Variants in ATP10B observed in about 807,000 individuals in gnomAD.
The protein encoded by ATP10B is phospholipid-transporting ATPase VB.
ATP10B carries 122 observed loss-of-function variants against 141.2 expected under a neutral mutation model. The ratio of observed to expected loss-of-function variants is 0.86; its 90% CI spans 0.75 to 1.00. ATP10B has a LOEUF of 1.00. ATP10B is among the 50% of genes least tolerant of loss of function. The pLI is 0.00. For missense variants in ATP10B, 1,876 were observed against 1,825.3 expected (o/e 1.03, Z -0.51); for synonymous variants, 685 against 692.0 (o/e 0.99, Z 0.16).
At chr5:160,741,025 A>G (rs1432835307) in intron 2 of ATP10B, among the ~76,000 whole-genome samples, 1 of 152,214 alleles carries the variant, frequency 6.6e-6, no homozygotes, top group Non-Finnish European at 1.5e-5. Flanking sequence ...TATTCAGTAT[A>G]CAAGAATAAT....
the ATP10B span, among the ~76,000 whole-genome samples, chr5:160,910,498 A>T: frequency 4.6e-5 from 7 of 152,192 alleles, no homozygotes; most frequent in African/African-American, 9.7e-5. Flanking sequence ...TAAATGTCAA[A>T]CAGCCAACTG....
intron 2 of ATP10B, among the ~76,000 whole-genome samples, chr5:160,757,882 G>T (rs1250284945): frequency 6.6e-6 from 1 of 152,128 alleles, no homozygotes; most frequent in Non-Finnish European, 1.5e-5. Context: ...ATTGTAGGGT[G>T]GTTAGCAGCA....
chr5:160,670,660 G>T lies in ATP10B; in HGVS notation c.478C>A (p.Gln160Lys), dbSNP rs766480564. 5.0e-6 allele frequency: 8 copies of T among 1,613,258 alleles called. No homozygotes were observed. The highest frequency in any genetic ancestry group is 6.8e-6 in the Non-Finnish European group (8 of 1,179,694). Residue 160 changes from glutamine to lysine, a missense_variant, in exon 7 of 26, where the codon CAG becomes AAG. Transcript: ENST00000327245. ...TTCCAGCACTTCTGCACATAGGTCT[G>T]CTCTTTTCTTGGGTGAGAGAAAGAC... ...SNIRIYERKE[Q>K]TYVQKCWKDV...
intron 24 of ATP10B, among the ~76,000 whole-genome samples, chr5:160,584,087 A>C (rs1025848599): frequency 6.6e-6 from 1 of 152,066 alleles, no homozygotes; most frequent in Admixed American, 6.5e-5. Context: ...GGAAAAAAAA[A>C]ACAAAACTCC....
intron 1 of ATP10B, among the ~76,000 whole-genome samples, chr5:160,842,777 A>T (rs906334685): frequency 6.6e-6 from 1 of 152,002 alleles, no homozygotes; most frequent in Non-Finnish European, 1.5e-5. Flanking sequence ...TATATTTATT[A>T]AAGCAATTGA....
At chr5:160,665,245 G>A (rs1252542574) in intron 7 of ATP10B, among the ~76,000 whole-genome samples, 1 of 152,138 alleles carries the variant, frequency 6.6e-6, no homozygotes, top group Non-Finnish European at 1.5e-5. Flanking sequence ...CAATGTCATG[G>A]GAGAAAGACC....
chr5:160,748,082 A>G (rs965107480), intron 2 of ATP10B, among the ~76,000 whole-genome samples: 6 of 151,760 alleles, frequency 4.0e-5, no homozygotes, highest in African/African-American at 9.7e-5. Context: ...TGTGGCTTAC[A>G]GCTGGGTGGC....
rs576501904 is a variant in ATP10B at position 160,819,725 on chromosome 5, GTTT to G, written c.-576+32213_-576+32215del. ...GTTTTTATTAGTTTTCTTTTTGCTT[GTTT>G]GTTTATGCAAACAATGTTAAGTTGT... is the stretch of plus-strand genomic sequence containing the variant. On this transcript the variant is annotated intron_variant, in intron 1 of 25. Coordinates refer to ENST00000327245, the MANE Select transcript of ATP10B (RefSeq NM_025153.3). Among the ~76,000 whole-genome samples, 36 of 152,186 alleles carry G rather than the reference GTTT, an allele frequency of 2.4e-4. No homozygotes were observed. In the South Asian group the frequency reaches 6.8e-3, roughly 29 times the overall value.
chr5:160,768,811 G>A (rs1769670836), intron 2 of ATP10B, among the ~76,000 whole-genome samples: 1 of 152,148 alleles, frequency 6.6e-6, no homozygotes, highest in African/African-American at 2.4e-5. Context: ...TGGCACAGTT[G>A]GCCTACTGTT....
In ATP10B at chr5:160,817,605, A is replaced by G. The variant is rs555689958; in HGVS notation, c.-575-31802T>C. Among the ~76,000 whole-genome samples the G allele has an allele frequency of 8.6e-4, 131 of 152,338 alleles. No individual in the cohort carries two copies. In the South Asian group the frequency reaches 0.017, roughly 20 times the overall value. On this transcript the variant is annotated intron_variant, in intron 1 of 25. Transcript: ENST00000327245. ...AATTTAAAGATTTTATGCCATCCCC[A>G]TCAAGCTACCAATGACTTTCTTCAC...
intron 7 of ATP10B, among the ~76,000 whole-genome samples, chr5:160,653,832 ATATATAT>A (rs1218660437): frequency 2.5e-4 from 32 of 128,448 alleles, no homozygotes; most frequent in African/African-American, 9.1e-4. Context: ...ACGTATATAC[ATATATAT>A]TATATATACA....
chr5:160,729,743 A>T (rs181562575), intron 2 of ATP10B, among the ~76,000 whole-genome samples: 1 of 152,214 alleles, frequency 6.6e-6, no homozygotes, highest in Non-Finnish European at 1.5e-5. Context: ...TTTGAACTAT[A>T]AAGAGTGTTT....
chr5:160,795,493 G>A (rs937203080), intron 1 of ATP10B, among the ~76,000 whole-genome samples: 1 of 152,076 alleles, frequency 6.6e-6, no homozygotes, highest in Non-Finnish European at 1.5e-5. Context: ...CTGAGCTCCA[G>A]GATAGTCACA....
chr5:160,653,748 T>C (rs1453772869), intron 7 of ATP10B, among the ~76,000 whole-genome samples: 2 of 122,192 alleles, frequency 1.6e-5, no homozygotes, highest in Non-Finnish European at 3.2e-5. Flanking sequence ...ATATATTACA[T>C]ATACATAAAT....
chr5:160,820,252 A>G (rs796994952), intron 1 of ATP10B, among the ~76,000 whole-genome samples: 7 of 152,244 alleles, frequency 4.6e-5, no homozygotes, highest in African/African-American at 1.7e-4. Context: ...GAGCAACTAT[A>G]TATCAATACA....
the ATP10B span, among the ~76,000 whole-genome samples, chr5:160,864,463 C>T: frequency 6.6e-6 from 1 of 152,122 alleles, no homozygotes; most frequent in East Asian, 1.9e-4. Flanking sequence ...GACAAACCCA[C>T]AGCCAGCATC....
At chr5:160,869,099 CTACTT>C in the ATP10B span, among the ~76,000 whole-genome samples, 1 of 152,244 alleles carries the variant, frequency 6.6e-6, no homozygotes, top group Non-Finnish European at 1.5e-5. Context: ...ATAACAATGT[CTACTT>C]TACATAGTTA....
the ATP10B span, among the ~76,000 whole-genome samples, chr5:160,910,865 T>A: frequency 2.6e-5 from 4 of 152,214 alleles, no homozygotes; most frequent in South Asian, 2.1e-4. Context: ...TAAAATTTGA[T>A]CCTCAATGTT....
chr5:160,770,373 C>G (rs1472448625), intron 2 of ATP10B, among the ~76,000 whole-genome samples: 1 of 152,054 alleles, frequency 6.6e-6, no homozygotes, highest in Non-Finnish European at 1.5e-5. Flanking sequence ...AAAACACGGG[C>G]CTTGGAATTG....
Sources: allele counts gnomAD v4.1 joint callset (sites outside exome capture counted in the v4.1 genomes callset), GRCh38; gene constraint gnomAD v4.1.1; transcripts MANE v1.5; gene names NCBI Gene and HGNC (gene_info 2026-07-23, HGNC 2026-07-21).